The following GAS2 variants were observed in gnomAD, a reference collection of about 807,000 sequenced individuals.
The protein encoded by GAS2 is growth arrest-specific protein 2.
In GAS2, 20 loss-of-function variants were observed where a neutral mutation model predicts 37.5. That is an observed-to-expected ratio of 0.53 (90% CI 0.37 to 0.77). The LOEUF (loss-of-function observed/expected upper bound fraction) is 0.77. Among genes scored for constraint, GAS2 ranks in the 30% least tolerant of loss-of-function variants. The pLI is 0.00. For missense variants in GAS2, 336 were observed against 373.4 expected, an observed-to-expected ratio of 0.90 and a Z score of 0.82; for synonymous variants, 144 against 132.2, an observed-to-expected ratio of 1.09 and a Z score of -0.61.
chr11:22,713,064 CAAAAA>C (rs61240215), intron 3 of GAS2, among the ~76,000 whole-genome samples: 2 of 112,058 alleles, frequency 1.8e-5, no homozygotes, highest in Non-Finnish European at 1.9e-5. Flanking sequence ...GAGACTGTGT[CAAAAA>C]AAAAAAAAAA....
At chr11:22,693,781 G>A (rs1850365762) in intron 3 of GAS2, among the ~76,000 whole-genome samples, 3 of 152,136 alleles carry the variant, frequency 2.0e-5, no homozygotes, top group Admixed American at 2.0e-4. Flanking sequence ...AGGTCCCTTT[G>A]GAGATTGGAA....
intron 1 of GAS2, among the ~76,000 whole-genome samples, chr11:22,656,644 C>T (rs542950199): frequency 6.6e-6 from 1 of 152,242 alleles, no homozygotes; most frequent in East Asian, 1.9e-4. Context: ...TAAAAATCAT[C>T]CCCATACTTT....
At chr11:22,783,648 A>G (rs987086363) in intron 7 of GAS2, among the ~76,000 whole-genome samples, 1 of 143,390 alleles carries the variant, frequency 7.0e-6, no homozygotes, top group Non-Finnish European at 1.5e-5. Flanking sequence ...GATCCCACTT[A>G]CTTACTTTTT....
chr11:22,680,083 C>A (rs1244151657), intron 2 of GAS2, among the ~76,000 whole-genome samples: 7 of 152,074 alleles, frequency 4.6e-5, no homozygotes, highest in African/African-American at 1.4e-4. Context: ...TCAAATACAG[C>A]TACTATCTAA....
intron 7 of GAS2, among the ~76,000 whole-genome samples, chr11:22,763,287 C>A (rs368013078): frequency 6.6e-6 from 1 of 152,104 alleles, no homozygotes; most frequent in Non-Finnish European, 1.5e-5. Flanking sequence ...ACAAACCAAG[C>A]AAGAGAGGCA....
chr11:22,794,178 CT>C (rs984265697), intron 7 of GAS2, among the ~76,000 whole-genome samples: 3 of 150,158 alleles, frequency 2.0e-5, no homozygotes, highest in African/African-American at 7.3e-5. Context: ...TGTCTTCTTG[CT>C]TTTTTTTAAG....
rs762095950 is a variant in GAS2, at chr11:22,749,217, A to C, written c.571A>C (p.Lys191Gln). The C allele has an allele frequency of 1.9e-6, 3 of 1,612,488 alleles. No individual in the cohort carries two copies. The highest frequency in any genetic ancestry group is 2.5e-6 in the Non-Finnish European group (3 of 1,179,156). Residue 191 changes from lysine to glutamine, a missense_variant, in exon 6 of 8, where the codon AAG (lysine) becomes CAG (glutamine). Lys to Gln is a moderately conservative substitution (Grantham distance 53). Transcript: ENST00000454584. ...APSPSPSPSSKSSGKKSTGNL... is the reference protein window; with the variant it reads ...APSPSPSPSSQSSGKKSTGNL... Reference sequence around the variant, plus strand: ...TTCTCCTTCACCTTCTCCTTCATCAAAGTCTTCTGGAAAAAAGAGTACAGG... The same window carrying C: ...TTCTCCTTCACCTTCTCCTTCATCACAGTCTTCTGGAAAAAAGAGTACAGG...
upstream of GAS2, among the ~76,000 whole-genome samples, chr11:22,664,307 G>C (rs1395145607): frequency 7.0e-6 from 1 of 142,590 alleles, no homozygotes; most frequent in African/African-American, 2.6e-5. Flanking sequence ...AGAGAGAAAA[G>C]GAGAGTTATC....
intron 6 of GAS2, among the ~76,000 whole-genome samples, chr11:22,754,207 CT>C (rs1399037552): frequency 2.0e-5 from 3 of 152,018 alleles, no homozygotes; most frequent in South Asian, 2.1e-4. Flanking sequence ...TAATTTCCCC[CT>C]GTGACCTGTA....
Position 22,722,843 on chromosome 11 carries a change from C to T in GAS2, c.268-3449C>T, listed in dbSNP as rs529177312. On this transcript the variant is annotated intron_variant, in intron 3 of 7. Coordinates refer to ENST00000454584, the MANE Select transcript of GAS2 (RefSeq NM_001143830.3). ...GAGGACATAATATTGTCTAAAAAAG[C>T]TTTCATGAGTAAACAAAGATAATAT... Among the ~76,000 whole-genome samples the T allele has an allele frequency of 2.9e-4, 44 of 151,840 alleles. 1 individual carries two copies. Among genetic ancestry groups the T allele is most frequent in the African/African-American group, 1.0e-3 (42 of 41,470 alleles).
chr11:22,689,254 C>T (rs1850115153), intron 3 of GAS2, among the ~76,000 whole-genome samples: 1 of 152,070 alleles, frequency 6.6e-6, no homozygotes, highest in African/African-American at 2.4e-5. Context: ...TGTAACAATC[C>T]TGCACATGTC....
At chr11:22,708,596 C>G (rs1372747211) in intron 3 of GAS2, among the ~76,000 whole-genome samples, 1 of 152,132 alleles carries the variant, frequency 6.6e-6, no homozygotes, top group Non-Finnish European at 1.5e-5. Flanking sequence ...TATGACCACT[C>G]CATTCTGCTG....
intron 1 of GAS2, among the ~76,000 whole-genome samples, chr11:22,652,944 C>T (rs58417251): frequency 2.9e-5 from 3 of 104,642 alleles, no homozygotes; most frequent in Non-Finnish European, 6.0e-5. Flanking sequence ...CTTGGCTCCT[C>T]CACAACCTCT....
At chr11:22,663,601 TA>T (rs996174143), upstream of GAS2, among the ~76,000 whole-genome samples, 1 of 152,154 alleles carries the variant, frequency 6.6e-6, no homozygotes, top group Non-Finnish European at 1.5e-5. Context: ...GTGTTGTACT[TA>T]AAAAGTTTAA....
At chr11:22,657,714 G>A (rs1848872023) in intron 1 of GAS2, among the ~76,000 whole-genome samples, 1 of 152,126 alleles carries the variant, frequency 6.6e-6, no homozygotes, top group Non-Finnish European at 1.5e-5. Context: ...TAACCTGCAG[G>A]GTCATGACTA....
At position 22,650,220 on chromosome 11, in the gene GAS2, G is replaced by T. The variant is rs1224174630; in HGVS notation, c.-21+24407G>T. On this transcript the variant is annotated intron_variant, in intron 1 of 5. Coordinates refer to the GAS2 transcript ENST00000528582. ...CAGGTTGTTCAGTTTCCATGTAGTT[G>T]AGCGGTTTTGAGTGAGATTCTTAAT... Among the ~76,000 whole-genome samples, 793 of 151,086 alleles carry T rather than the reference G, an allele frequency of 5.2e-3. 3 individuals are homozygous for T. Among genetic ancestry groups the T allele is most frequent in the African/African-American group, 0.018 (758 of 41,128 alleles).
intron 3 of GAS2, among the ~76,000 whole-genome samples, chr11:22,719,477 A>G (rs1468383441): frequency 6.6e-6 from 1 of 152,112 alleles, no homozygotes; most frequent in Non-Finnish European, 1.5e-5. Context: ...TTGAACCTAC[A>G]TTAACACATT....
chr11:22,779,052 T>G (rs1197153903), intron 7 of GAS2, among the ~76,000 whole-genome samples: 2 of 151,830 alleles, frequency 1.3e-5, no homozygotes, highest in East Asian at 3.9e-4. Flanking sequence ...TTTGTTTTTT[T>G]TTTTTTCTCT....
At chr11:22,694,222 C>T (rs1345055261) in intron 3 of GAS2, among the ~76,000 whole-genome samples, 3 of 152,058 alleles carry the variant, frequency 2.0e-5, no homozygotes, top group African/African-American at 7.2e-5. Context: ...CCCAAGGCCC[C>T]ATGATTAATA....
Sources: allele counts gnomAD v4.1 joint callset (sites outside exome capture counted in the v4.1 genomes callset), GRCh38; gene constraint gnomAD v4.1.1; transcripts MANE v1.5; gene names NCBI Gene and HGNC (gene_info 2026-07-23, HGNC 2026-07-21).